The following SBNO2 variants were observed in gnomAD, a reference collection of about 807,000 sequenced individuals.
SBNO2 encodes the protein protein strawberry notch homolog 2.
SBNO2 carries 89 observed loss-of-function variants against 146.3 expected under a neutral mutation model. The observed-to-expected ratio is 0.61, with a 90% CI of 0.51 to 0.73. SBNO2 has a LOEUF of 0.73. Ranked by LOEUF, SBNO2 falls within the 30% of genes least tolerant of loss-of-function variation. SBNO2 has a pLI of 0.00. For synonymous variants in SBNO2, 1,147 were observed against 892.6 expected (o/e 1.29, Z -5.08); for missense variants, 2,092 against 2,003.7 (o/e 1.04, Z -0.84).
At chr19:1,115,833 G>C in intron 17 of SBNO2, 188 bp downstream of exon 17, 1 of 627,410 alleles carries the variant, frequency 1.6e-6, no homozygotes. Context: ...TCTTCCCTAA[G>C]CGTTCCATGG....
intron 4 of SBNO2, among the ~76,000 whole-genome samples, chr19:1,141,100 C>T (rs1191221853): frequency 2.6e-5 from 4 of 151,884 alleles, no homozygotes; most frequent in African/African-American, 9.7e-5. Flanking sequence ...AGAAGACGCG[C>T]CCCGGAGAAC....
chr19:1,133,872 G>A (rs370764012), intron 4 of SBNO2, among the ~76,000 whole-genome samples: 3 of 152,240 alleles, frequency 2.0e-5, no homozygotes, highest in Admixed American at 6.5e-5. Context: ...CTGAGGACGC[G>A]GGGCAGTGGC....
At position 1,123,589 on chromosome 19, in the gene SBNO2, C is replaced by T; in HGVS notation, c.573G>A (p.Glu191=). 6.2e-7 allele frequency: 1 copy of T among 1,613,566 alleles called. No individual in the cohort carries two copies. The highest frequency in any genetic ancestry group is 1.1e-5 in the South Asian group (1 of 91,066). The change falls in exon 7 of 32, where the codon GAG becomes GAA. Residue 191 remains glutamate, a synonymous_variant. Coordinates refer to ENST00000361757, the MANE Select transcript of SBNO2 (RefSeq NM_014963.3). ...CTGTGTGCCCCAGCTCCTCCGCCTC[C>T]TCCTCCTCAGCCTCGTCCTCCTCCT... ...QPEEEDEAEE[E]EAEELGHTET...
rs2080083483 is a variant in SBNO2, at chr19:1,136,202, CGCA to C, written c.280-8440_280-8438del. Among the ~76,000 whole-genome samples, 1 of 152,110 alleles carries C rather than the reference CGCA, an allele frequency of 6.6e-6. No homozygotes were observed. Among genetic ancestry groups the C allele is most frequent in the African/African-American group, 2.4e-5 (1 of 41,434 alleles). ...GGGCCGGAAGGAGCGCGGCCCTGTC[CGCA>C]CCTTGACTTTGGACTTCCAGGCTCC... On this transcript the variant is annotated intron_variant, in intron 4 of 31. Transcript: ENST00000361757. This position sits in a 1 kb window ranked among gnomAD's most constrained non-coding sequence, Gnocchi z 4.2.
Position 1,116,092 on chromosome 19 carries a change from A to T in SBNO2, c.1814T>A (p.Leu605Gln). 6.2e-7 allele frequency: 1 copy of T among 1,610,312 alleles called. No homozygotes were observed. Among genetic ancestry groups the T allele is most frequent in the Non-Finnish European group, 8.5e-7 (1 of 1,178,716 alleles). The change falls in exon 17 of 32, where the codon CTG becomes CAG. Residue 605 changes from leucine (L) to glutamine (Q), a missense_variant. Transcript: ENST00000361757. ...CGGAAAGTGCTTCTGAATTAGCGAC[A>T]GGAACACGCCTCTGAAAGTGAGACG... ...CFVSAAEGVF[L>Q]SLIQKHFPST...
intron 4 of SBNO2, among the ~76,000 whole-genome samples, chr19:1,141,103 C>A (rs553542770): frequency 3.3e-5 from 5 of 151,798 alleles, no homozygotes; most frequent in African/African-American, 1.2e-4. Flanking sequence ...AGACGCGCCC[C>A]GGAGAACACG....
At chr19:1,123,193 G>T in intron 7 of SBNO2, 148 bp from the exon 8 acceptor site, 1 of 943,544 alleles carries the variant, frequency 1.1e-6, no homozygotes, top group Non-Finnish European at 1.6e-6. Context: ...CGGGTCATGG[G>T]CGTGGCCAGG....
rs918876321 is a variant in SBNO2, at chr19:1,158,669, G to T, written c.-126-4267C>A. Among the ~76,000 whole-genome samples the T allele has an allele frequency of 1.3e-5, 2 of 152,190 alleles. No homozygotes were observed. The highest frequency in any genetic ancestry group is 4.8e-5 in the African/African-American group (2 of 41,442). On this transcript the variant is annotated intron_variant, in intron 1 of 31. Transcript: ENST00000361757. This position sits in a 1 kb window ranked among gnomAD's most constrained non-coding sequence, Gnocchi z 9.9. ...GGGCGCGACCGTGGTGATGGAGCCC[G>T]GCAGAGGCCACCGCACAGTCCCTGG...
At chr19:1,142,053 G>A (rs983063291) in intron 4 of SBNO2, among the ~76,000 whole-genome samples, 2 of 119,942 alleles carry the variant, frequency 1.7e-5, no homozygotes, top group African/African-American at 3.1e-5. Flanking sequence ...CCTCCCTCAC[G>A]ATCAACCCTC....
intron 1 of SBNO2, among the ~76,000 whole-genome samples, chr19:1,156,983 C>CACT (rs1555727369): frequency 1.0e-5 from 1 of 97,480 alleles, no homozygotes; most frequent in Non-Finnish European, 2.5e-5. Context: ...GACCCACAGC[C>CACT]CTGCCTTTCC....
At chr19:1,142,219 C>A (rs886592792) in intron 4 of SBNO2, among the ~76,000 whole-genome samples, 3 of 151,868 alleles carry the variant, frequency 2.0e-5, no homozygotes, top group Non-Finnish European at 4.4e-5. Flanking sequence ...TCATGATCAA[C>A]CCTCCCTCAA....
At chr19:1,149,122 C>T (rs1342979651) in intron 3 of SBNO2, among the ~76,000 whole-genome samples, 1 of 141,324 alleles carries the variant, frequency 7.1e-6, no homozygotes, top group Non-Finnish European at 1.5e-5. Context: ...CACACCTCCC[C>T]GCCCTCTACC....
At chr19:1,127,298 A>G (rs1264241967) in intron 5 of SBNO2, among the ~76,000 whole-genome samples, 1 of 152,108 alleles carries the variant, frequency 6.6e-6, no homozygotes, top group Non-Finnish European at 1.5e-5. Flanking sequence ...GGTCCCTCTC[A>G]GGTGGGGCCA....
rs778849198 is a variant in SBNO2 at position 1,147,268 on chromosome 19, A to G, written c.279+41T>C. The G allele has an allele frequency of 1.2e-5, 17 of 1,377,176 alleles. No individual in the cohort carries two copies. In the Admixed American group the frequency reaches 3.2e-4, roughly 26 times the overall value. 85.3% of individuals were successfully genotyped at this position (1,377,176 alleles called of 1,614,324 possible). On this transcript the variant is annotated intron_variant, in intron 4 of 31. Coordinates refer to ENST00000361757, the MANE Select transcript of SBNO2 (RefSeq NM_014963.3). The stretch of plus-strand genomic sequence containing the variant: ...CAGCTGGAGGGGCGGCCCAGACTCC[A>G]CCCTGCCCCCCACGGCGCGGTGAGC...
chr19:1,131,458 T>G (rs2080027495), intron 4 of SBNO2, among the ~76,000 whole-genome samples: 1 of 151,962 alleles, frequency 6.6e-6, no homozygotes, highest in African/African-American at 2.4e-5. Context: ...TCTGCCCGCT[T>G]CAAAAGCAGC....
At position 1,108,063 on chromosome 19, in the gene SBNO2, G is replaced by A. The variant is rs1259092541; in HGVS notation, c.*157C>T. 1.2e-6 allele frequency: 1 copy of A among 812,080 alleles called. No individual in the cohort carries two copies. The highest frequency in any genetic ancestry group is 1.7e-6 in the Non-Finnish European group (1 of 578,392). The allele number at this position is 812,080 out of a possible 1,614,324, so 50.3% of individuals were successfully genotyped here. The stretch of plus-strand genomic sequence containing the variant: ...GTCCTGAGTGGGCCCCGCCAGGGCT[G>A]ACCAGGTGGGGGCCCGGGTCGGGCG... On this transcript the variant is annotated 3_prime_UTR_variant, in exon 32 of 32. Transcript: ENST00000361757.
intron 1 of SBNO2, among the ~76,000 whole-genome samples, chr19:1,163,170 G>A (rs1011663314): frequency 1.3e-5 from 2 of 152,212 alleles, no homozygotes; most frequent in East Asian, 3.8e-4. Flanking sequence ...TGCATACAGG[G>A]TCTTTGCACA....
chr19:1,145,479 AAAAAAAAAAG>A (rs1176780824), intron 4 of SBNO2, among the ~76,000 whole-genome samples: 2 of 151,434 alleles, frequency 1.3e-5, no homozygotes, highest in Non-Finnish European at 2.9e-5. Flanking sequence ...GTCTCAAAAA[AAAAAAAAAAG>A]AAAGAAAGAA....
At position 1,119,522 on chromosome 19, in the gene SBNO2, T is replaced by C. The variant is rs1325435740; in HGVS notation, c.1367A>G (p.Glu456Gly). 6.3e-7 allele frequency: 1 copy of C among 1,593,400 alleles called. No homozygotes were observed. Among genetic ancestry groups the C allele is most frequent in the Non-Finnish European group, 8.6e-7 (1 of 1,165,478 alleles). ...RNFEEFLHAI[E>G]KRGVGAMEIV... Reference sequence around the variant, plus strand: ...GGGTGAGAAGGGCACTCACCTCTTCTCGATGGCGTGCAGGAACTCCTCAAA... The same window carrying C: ...GGGTGAGAAGGGCACTCACCTCTTCCCGATGGCGTGCAGGAACTCCTCAAA... Residue 456 changes from glutamate (E) to glycine (G), a missense_variant, in exon 13 of 32, where the codon GAG (glutamate) becomes GGG (glycine). Coordinates refer to ENST00000361757, the MANE Select transcript of SBNO2 (RefSeq NM_014963.3).
Sources: allele counts gnomAD v4.1 joint callset (sites outside exome capture counted in the v4.1 genomes callset), GRCh38; gene constraint gnomAD v4.1.1; non-coding constraint Gnocchi (gnomAD v3.1); transcripts MANE v1.5; gene names NCBI Gene and HGNC (gene_info 2026-07-23, HGNC 2026-07-21).